KATNAL1: variants seen among roughly 807,000 people sequenced by gnomAD.
The protein encoded by KATNAL1 is katanin catalytic subunit A1 like 1.
KATNAL1 carries 32 observed loss-of-function variants against 55.2 expected under a neutral mutation model. That is an observed-to-expected ratio of 0.58 (90% CI 0.44 to 0.78). The LOEUF (loss-of-function observed/expected upper bound fraction) is 0.78, where lower values mean the gene tolerates loss of function less well. KATNAL1 is among the 30% of genes least tolerant of loss of function. The pLI, the probability that KATNAL1 is intolerant of heterozygous loss-of-function variation, is 0.00. For missense variants in KATNAL1, 466 were observed against 600.9 expected (o/e 0.78, Z 2.35); for synonymous variants, 193 against 193.6 (o/e 1.00, Z 0.02).
intron 1 of KATNAL1, among the ~76,000 whole-genome samples, chr13:30,297,836 A>T (rs1385499418): frequency 6.6e-6 from 1 of 152,162 alleles, no homozygotes; most frequent in African/African-American, 2.4e-5. Flanking sequence ...AGACATAAAG[A>T]TGGCAACAAC....
chr13:30,286,318 G>C (rs1473514711), intron 1 of KATNAL1, among the ~76,000 whole-genome samples: 3 of 152,246 alleles, frequency 2.0e-5, no homozygotes, highest in Admixed American at 2.0e-4. Context: ...TTCCTGGGCT[G>C]GGTCCAGGGC....
chr13:30,210,551 G>C (rs1267275402), intron 9 of KATNAL1, 109 bp from the exon 10 acceptor site: 1 of 787,078 alleles, frequency 1.3e-6, no homozygotes, highest in Non-Finnish European at 1.9e-6. Flanking sequence ...GCAAAGAAGA[G>C]TCAATAACTG....
At chr13:30,295,783 T>C (rs899292692) in intron 1 of KATNAL1, among the ~76,000 whole-genome samples, 1 of 152,144 alleles carries the variant, frequency 6.6e-6, no homozygotes, top group African/African-American at 2.4e-5. Flanking sequence ...TTGGAGAGGA[T>C]TGACTCCAAT....
chr13:30,220,542 G>A (rs541855971), intron 9 of KATNAL1, among the ~76,000 whole-genome samples: 24 of 152,192 alleles, frequency 1.6e-4, no homozygotes, highest in African/African-American at 5.3e-4. Context: ...GGAAAAAAAC[G>A]CTCGAATTTC....
chr13:30,224,926 A>G (rs1374621785), intron 9 of KATNAL1, among the ~76,000 whole-genome samples: 1 of 152,200 alleles, frequency 6.6e-6, no homozygotes, highest in Non-Finnish European at 1.5e-5. Context: ...TGTGGACCAC[A>G]TGAGTCATGT....
In KATNAL1 at chr13:30,205,833, CTG is replaced by C. The variant is rs1315652112; in HGVS notation, c.*2705_*2706del. ...CACACTGTCTTCTGCAATAAAGACT[CTG>C]TGTGTGTGTATGTGTGTGTATGTGT... On this transcript the variant is annotated 3_prime_UTR_variant, in exon 11 of 11. Coordinates refer to ENST00000380615, the MANE Select transcript of KATNAL1 (RefSeq NM_032116.5). 1.4e-5 allele frequency: 2 copies of C among 143,304 alleles called. No homozygotes were observed. Among genetic ancestry groups the C allele is most frequent in the South Asian group, 2.2e-4 (1 of 4,632 alleles). 8.9% of individuals were successfully genotyped at this position (143,304 alleles called of 1,614,324 possible). A position where few individuals can be genotyped will look rare whatever the true frequency, so the allele number is the denominator to read the frequency against.
At chr13:30,257,129 T>C (rs1878860967) in intron 3 of KATNAL1, among the ~76,000 whole-genome samples, 1 of 152,254 alleles carries the variant, frequency 6.6e-6, no homozygotes, top group Non-Finnish European at 1.5e-5. Flanking sequence ...ATTGTAATTG[T>C]TAAATTGCTC....
In KATNAL1 at chr13:30,240,292, A is replaced by C. The variant is rs1229007066; in HGVS notation, c.726+168T>G. 4.6e-5 allele frequency among the ~76,000 whole-genome samples: 7 copies of C among 152,358 alleles called. No individual in the cohort carries two copies. The East Asian group carries it at 1.3e-3, about 29-fold the overall frequency. On this transcript the variant is annotated intron_variant, in intron 6 of 10. Coordinates refer to ENST00000380615, the MANE Select transcript of KATNAL1 (RefSeq NM_032116.5). ...CAAGCCCATCTCTCCTGCTATGCAG[A>C]TGTAACACATCACAACTACAAATTC...
At chr13:30,291,646 A>G (rs1469210893) in intron 1 of KATNAL1, among the ~76,000 whole-genome samples, 1 of 152,206 alleles carries the variant, frequency 6.6e-6, no homozygotes, top group Non-Finnish European at 1.5e-5. Context: ...TTACTAACAC[A>G]GATGTATTCA....
At chr13:30,274,903 G>GCACACACACACA in intron 3 of KATNAL1, among the ~76,000 whole-genome samples, 1 of 93,746 alleles carries the variant, frequency 1.1e-5, no homozygotes, top group East Asian at 2.8e-4. Flanking sequence ...GCGCGCGCGC[G>GCACACACACACA]CGCGCACACA....
intron 1 of KATNAL1, 125 bp from the exon 2 acceptor site, chr13:30,283,916 C>A: frequency 1.5e-6 from 1 of 661,124 alleles, no homozygotes. Context: ...CACTTTATTG[C>A]CCAGATTGGA....
rs527363397 is a variant in KATNAL1, at chr13:30,294,285, AAAG to A, written c.-14-10497_-14-10495del. 2.0e-3 allele frequency among the ~76,000 whole-genome samples: 309 copies of A among 152,370 alleles called. 2 individuals are homozygous for A. Among genetic ancestry groups the A allele is most frequent in the African/African-American group, 7.0e-3 (293 of 41,582 alleles). Reference sequence around the variant, plus strand: ...TGCCAAAGAGCCAAGTTGTAAATGCAAAGAAGAAGTTCTTGAAAGAAATTAAAA... The same window carrying A: ...TGCCAAAGAGCCAAGTTGTAAATGCAAAGAAGTTCTTGAAAGAAATTAAAA... On this transcript the variant is annotated intron_variant, in intron 1 of 10. Coordinates refer to ENST00000380615, the MANE Select transcript of KATNAL1 (RefSeq NM_032116.5).
intron 6 of KATNAL1, among the ~76,000 whole-genome samples, chr13:30,233,074 A>G (rs1876267253): frequency 6.6e-6 from 1 of 152,216 alleles, no homozygotes; most frequent in Non-Finnish European, 1.5e-5. Flanking sequence ...TTTTTTGTGT[A>G]AGACCTCAAA....
At chr13:30,292,286 A>G (rs945374898) in intron 1 of KATNAL1, among the ~76,000 whole-genome samples, 3 of 152,202 alleles carry the variant, frequency 2.0e-5, no homozygotes, top group African/African-American at 7.2e-5. Flanking sequence ...CATCACATAC[A>G]AAAATTAACT....
chr13:30,236,934 T>C (rs1876746323), intron 6 of KATNAL1, among the ~76,000 whole-genome samples: 1 of 152,226 alleles, frequency 6.6e-6, no homozygotes, highest in African/African-American at 2.4e-5. Context: ...TTAACTTCTA[T>C]TCATCTTTCA....
chr13:30,273,978 A>G (rs944560840), intron 3 of KATNAL1, among the ~76,000 whole-genome samples: 1 of 152,184 alleles, frequency 6.6e-6, no homozygotes, highest in Non-Finnish European at 1.5e-5. Context: ...CAAAATCGTA[A>G]GCCTAAGAGA....
intron 3 of KATNAL1, among the ~76,000 whole-genome samples, chr13:30,264,796 A>G (rs1879610847): frequency 8.6e-6 from 1 of 116,482 alleles, no homozygotes; most frequent in African/African-American, 3.2e-5. Context: ...TAGTTCAACC[A>G]TTGTGGAAGT....
At chr13:30,232,743 C>T (rs1876231623) in intron 6 of KATNAL1, among the ~76,000 whole-genome samples, 2 of 152,126 alleles carry the variant, frequency 1.3e-5, no homozygotes, top group Admixed American at 6.6e-5. Flanking sequence ...CATGACATTA[C>T]TCCTTTAATT....
At chr13:30,302,166 C>T (rs1424445451) in intron 1 of KATNAL1, among the ~76,000 whole-genome samples, 1 of 152,234 alleles carries the variant, frequency 6.6e-6, no homozygotes, top group Non-Finnish European at 1.5e-5. Flanking sequence ...AGAGCCACCA[C>T]ACCCAGACTC....
Sources: allele counts gnomAD v4.1 joint callset (sites outside exome capture counted in the v4.1 genomes callset), GRCh38; gene constraint gnomAD v4.1.1; transcripts MANE v1.5; gene names NCBI Gene and HGNC (gene_info 2026-07-23, HGNC 2026-07-21).